Variants in SCRG1 observed in about 807,000 individuals in gnomAD.
SCRG1 encodes the protein scrapie-responsive protein 1.
Under a neutral mutation model 7.7 loss-of-function variants are expected in SCRG1, and 3 were observed. The observed-to-expected ratio is 0.39, with a 90% confidence interval of 0.18 to 1.01. The LOEUF (loss-of-function observed/expected upper bound fraction) is 1.01, where lower values mean the gene tolerates loss of function less well. Among genes scored for constraint, SCRG1 ranks in the 50% least tolerant of loss-of-function variants. SCRG1 has a pLI of 0.36. For synonymous variants in SCRG1, 46 were observed against 41.2 expected (o/e 1.12, Z -0.44); for missense variants, 110 against 117.2 (o/e 0.94, Z 0.28).
chr4:173,420,065 T>C, the SCRG1 span: 1 of 605,022 alleles, frequency 1.7e-6, no homozygotes, highest in Non-Finnish European at 3.1e-6. Flanking sequence ...GTTTTACCCT[T>C]TCATCATCTT....
the SCRG1 span, among the ~76,000 whole-genome samples, chr4:173,501,646 T>A: frequency 2.0e-5 from 3 of 152,046 alleles, no homozygotes; most frequent in East Asian, 5.8e-4. This position sits in a 1 kb window ranked among gnomAD's most constrained non-coding sequence, Gnocchi z 5.1. Context: ...AAAGGATTAC[T>A]GTCGGGCGGA....
the SCRG1 span, among the ~76,000 whole-genome samples, chr4:173,481,505 C>G: frequency 8.5e-5 from 13 of 152,276 alleles, no homozygotes; most frequent in East Asian, 1.3e-3. Flanking sequence ...CAGGTTTGAA[C>G]TGCGAGGGTC....
chr4:173,514,753 C>T, the SCRG1 span, among the ~76,000 whole-genome samples: 1 of 152,174 alleles, frequency 6.6e-6, no homozygotes, highest in Non-Finnish European at 1.5e-5. Context: ...GGATAGAGCT[C>T]TTCAGGTCAT....
At chr4:173,400,207 G>A (rs1345333354), upstream of SCRG1, among the ~76,000 whole-genome samples, 1 of 152,202 alleles carries the variant, frequency 6.6e-6, no homozygotes, top group East Asian at 1.9e-4. Flanking sequence ...CAGAAGGGAA[G>A]ATAGGAAGGA....
At chr4:173,473,593 A>G in the SCRG1 span, among the ~76,000 whole-genome samples, 1 of 152,156 alleles carries the variant, frequency 6.6e-6, no homozygotes, top group Non-Finnish European at 1.5e-5. Flanking sequence ...AGAGAAAAGG[A>G]AAGGAGCTTT....
At chr4:173,484,434 T>TACATATAATATATAATATATATTATAC in the SCRG1 span, among the ~76,000 whole-genome samples, 1 of 60,206 alleles carries the variant, frequency 1.7e-5, no homozygotes, top group Non-Finnish European at 2.9e-5. Flanking sequence ...ATATATTATA[T>TACATATAATATATAATATATATTATAC]ACATATGATA....
chr4:173,419,735 A>G, the SCRG1 span: 44 of 1,164,998 alleles, frequency 3.8e-5, no homozygotes, highest in Admixed American at 1.5e-4. Context: ...AAGGTCTGCG[A>G]CCAAATAGCA....
rs1015078428 is a variant in SCRG1, at chr4:173,388,331, A to C, written c.*10T>G. The C allele has an allele frequency of 1.2e-6, 2 of 1,605,814 alleles. No homozygotes were observed. The highest frequency in any genetic ancestry group is 1.7e-6 in the Non-Finnish European group (2 of 1,173,298). On this transcript the variant is annotated 3_prime_UTR_variant, in exon 3 of 3. Transcript: ENST00000296506. ...TCAGGAATGGTGTTCTCCAGAATAC[A>C]TGAAGATTCTCATTGATTGTTGCAA...
chr4:173,508,516 C>T, the SCRG1 span, among the ~76,000 whole-genome samples: 1 of 152,244 alleles, frequency 6.6e-6, no homozygotes, highest in East Asian at 1.9e-4. This position sits in a 1 kb window ranked among gnomAD's most constrained non-coding sequence, Gnocchi z 4.4. Context: ...TGCAGTCCGT[C>T]GCAGGACGCC....
chr4:173,419,228 A>G, the SCRG1 span: 1 of 476,674 alleles, frequency 2.1e-6, no homozygotes, highest in Non-Finnish European at 3.8e-6. Flanking sequence ...AAAAATCCTC[A>G]TAGAAAATTG....
chr4:173,516,818 A>T, the SCRG1 span, among the ~76,000 whole-genome samples: 3 of 152,342 alleles, frequency 2.0e-5, no homozygotes, highest in African/African-American at 7.2e-5. Context: ...CGCGGCGCCG[A>T]GGGGGCCAGA....
chr4:173,476,459 C>T, the SCRG1 span, among the ~76,000 whole-genome samples: 10 of 150,708 alleles, frequency 6.6e-5, no homozygotes, highest in African/African-American at 1.2e-4. Flanking sequence ...CAGGTTGATT[C>T]GCAAGTCAGT....
the SCRG1 span, among the ~76,000 whole-genome samples, chr4:173,439,361 T>C: frequency 6.6e-6 from 1 of 152,020 alleles, no homozygotes; most frequent in Admixed American, 6.6e-5. Context: ...ACTCTGTCTC[T>C]ACAAATTTTA....
At chr4:173,420,624 C>T in the SCRG1 span, among the ~76,000 whole-genome samples, 1 of 151,360 alleles carries the variant, frequency 6.6e-6, no homozygotes, top group African/African-American at 2.4e-5. Context: ...TAGTGATTAG[C>T]GTCGATCATG....
chr4:173,452,361 G>GCAAGAGGA, the SCRG1 span, among the ~76,000 whole-genome samples: 28 of 152,252 alleles, frequency 1.8e-4, no homozygotes, highest in Admixed American at 1.6e-3. Flanking sequence ...AAGAGCAAAA[G>GCAAGAGGA]CAAGAGGAGG....
chr4:173,421,708 T>C, the SCRG1 span, among the ~76,000 whole-genome samples: 16 of 152,296 alleles, frequency 1.1e-4, no homozygotes, highest in Middle Eastern at 3.4e-3. Context: ...AAAGGATAAA[T>C]GCAGGGGTAG....
chr4:173,501,878 C>T, the SCRG1 span, among the ~76,000 whole-genome samples: 120 of 152,318 alleles, frequency 7.9e-4, no homozygotes, highest in Admixed American at 1.9e-3. This position sits in a 1 kb window ranked among gnomAD's most constrained non-coding sequence, Gnocchi z 5.1. Context: ...AACAATTGCC[C>T]CTTCTCCTTC....
the SCRG1 span, among the ~76,000 whole-genome samples, chr4:173,491,798 G>A: frequency 6.6e-6 from 1 of 152,148 alleles, no homozygotes; most frequent in Non-Finnish European, 1.5e-5. Flanking sequence ...AAGTAGTTTA[G>A]TGCCTACTGG....
At chr4:173,416,272 T>C in the SCRG1 span, among the ~76,000 whole-genome samples, 1 of 152,246 alleles carries the variant, frequency 6.6e-6, no homozygotes, top group Non-Finnish European at 1.5e-5. Flanking sequence ...CCTCCTCATT[T>C]CCATGCTCAC....
Sources: allele counts gnomAD v4.1 joint callset (sites outside exome capture counted in the v4.1 genomes callset), GRCh38; gene constraint gnomAD v4.1.1; non-coding constraint Gnocchi (gnomAD v3.1); transcripts MANE v1.5; gene names NCBI Gene and HGNC (gene_info 2026-07-23, HGNC 2026-07-21).